KIF13B: variants seen among roughly 807,000 people sequenced by gnomAD.
The protein encoded by KIF13B is kinesin-like protein KIF13B.
Under a neutral mutation model 222.0 loss-of-function variants are expected in KIF13B, and 127 were observed. The observed-to-expected ratio is 0.57, with a 90% CI of 0.50 to 0.66. The LOEUF is 0.66. KIF13B is among the 30% of genes least tolerant of loss of function. The probability of loss-of-function intolerance (pLI) is 0.00; values close to 1 mark genes in which losing one functional copy is unlikely to be tolerated. For missense variants in KIF13B, 2,173 were observed against 2,379.0 expected (o/e 0.91, Z 1.80); for synonymous variants, 976 against 919.0 (o/e 1.06, Z -1.12).
Position 29,153,429 on chromosome 8 carries a change from T to C in KIF13B, c.1535+2297A>G, listed in dbSNP as rs550619954. On this transcript the variant is annotated intron_variant, in intron 14 of 39. Coordinates refer to ENST00000524189, the MANE Select transcript of KIF13B (RefSeq NM_015254.4). The stretch of plus-strand genomic sequence containing the variant: ...TAAGGAAAATTTACCAGTTCCACTG[T>C]GCTGCTTATCATGAAAATGGCATTC... Among the ~76,000 whole-genome samples the C allele has an allele frequency of 3.3e-5, 5 of 152,274 alleles. No individual in the cohort carries two copies. In the South Asian group the frequency reaches 1.0e-3, roughly 32 times the overall value.
intron 2 of KIF13B, among the ~76,000 whole-genome samples, chr8:29,213,842 T>G (rs932030179): frequency 4.0e-5 from 6 of 151,146 alleles, no homozygotes; most frequent in Non-Finnish European, 5.9e-5. Flanking sequence ...TAATCCCAGG[T>G]ACTCGGGAGA....
rs552092786 is a variant in KIF13B at position 29,145,196 on chromosome 8, G to A, written c.2187+1182C>T. On this transcript the variant is annotated intron_variant, in intron 18 of 39. Transcript: ENST00000524189. ...TAAAAATTTTCAAAATACACACAGA[G>A]TATACAAAAACAATGATCTGTAAAG... 2.0e-5 allele frequency among the ~76,000 whole-genome samples: 3 copies of A among 152,200 alleles called. No individual in the cohort carries two copies. The South Asian group carries it at 6.2e-4, about 32-fold the overall frequency.
intron 2 of KIF13B, among the ~76,000 whole-genome samples, chr8:29,242,300 T>A (rs1210447139): frequency 6.6e-6 from 1 of 152,128 alleles, no homozygotes; most frequent in Non-Finnish European, 1.5e-5. Context: ...AAGAAACTAC[T>A]TTGCCTACCA....
chr8:29,181,834 T>A, intron 7 of KIF13B, 85 bp downstream of exon 7: 1 of 898,030 alleles, frequency 1.1e-6, no homozygotes, highest in Middle Eastern at 2.2e-4. Flanking sequence ...ATGCAATTTT[T>A]AAAAATAACA....
intron 7 of KIF13B, among the ~76,000 whole-genome samples, chr8:29,180,555 CGTA>C (rs556112602): frequency 3.3e-5 from 5 of 152,066 alleles, no homozygotes; most frequent in Admixed American, 2.6e-4. Flanking sequence ...TTTGAAAAAA[CGTA>C]GTTTCTTTAA....
At position 29,067,473 on chromosome 8, in the gene KIF13B, G is replaced by C. The variant is rs1807049648; in HGVS notation, c.*3031C>G. 6.6e-6 allele frequency: 1 copy of C among 152,480 alleles called. No homozygotes were observed. The highest frequency in any genetic ancestry group is 1.5e-5 in the Non-Finnish European group (1 of 68,058). The allele number at this position is 152,480 out of a possible 1,614,324, so 9.4% of individuals were successfully genotyped here. On this transcript the variant is annotated 3_prime_UTR_variant, in exon 40 of 40. Coordinates refer to ENST00000524189, the MANE Select transcript of KIF13B (RefSeq NM_015254.4). ...AAATCAATATAATCACAGAATCAAA[G>C]TCACTTCTTTATATGTGAACTCTTC...
intron 2 of KIF13B, among the ~76,000 whole-genome samples, chr8:29,219,924 T>C (rs1038683247): frequency 6.6e-6 from 1 of 151,296 alleles, no homozygotes; most frequent in Non-Finnish European, 1.5e-5. Context: ...ATTAGCCGGG[T>C]GTGGTGGTGC....
intron 1 of KIF13B, 72 bp downstream of exon 1, chr8:29,262,908 G>T: frequency 8.2e-7 from 1 of 1,221,078 alleles, no homozygotes; most frequent in Non-Finnish European, 1.1e-6. Context: ...GACCCCCCAC[G>T]GCGGCCGAGG....
intron 2 of KIF13B, among the ~76,000 whole-genome samples, chr8:29,200,809 C>G (rs1386039119): frequency 6.6e-6 from 1 of 152,208 alleles, no homozygotes; most frequent in East Asian, 1.9e-4. Flanking sequence ...TAGAATGTCC[C>G]TCAATCTGGG....
chr8:29,076,659 G>A (rs1220223351), intron 37 of KIF13B, among the ~76,000 whole-genome samples: 1 of 152,208 alleles, frequency 6.6e-6, no homozygotes, highest in Non-Finnish European at 1.5e-5. Flanking sequence ...CTTCACCTGA[G>A]GGCACCACTA....
intron 2 of KIF13B, among the ~76,000 whole-genome samples, chr8:29,223,203 T>A (rs1047507342): frequency 3.4e-5 from 5 of 145,986 alleles, no homozygotes; most frequent in Non-Finnish European, 7.5e-5. Flanking sequence ...TAGCCAGGCA[T>A]GGTGGCGCTC....
At chr8:29,146,275 G>C in intron 18 of KIF13B, 103 bp downstream of exon 18, 1 of 1,159,986 alleles carries the variant, frequency 8.6e-7, no homozygotes, top group South Asian at 1.2e-5. Context: ...ATCTGGACTT[G>C]GGGCAGGCAC....
chr8:29,213,379 T>C (rs1367113110), intron 2 of KIF13B, among the ~76,000 whole-genome samples: 1 of 152,202 alleles, frequency 6.6e-6, no homozygotes, highest in Non-Finnish European at 1.5e-5. Flanking sequence ...TCATCCACAT[T>C]TTATAAATGA....
intron 2 of KIF13B, among the ~76,000 whole-genome samples, chr8:29,241,426 CAGGGACATCTATTTGGTTCTTAGA>C (rs1454716982): frequency 2.0e-5 from 3 of 152,110 alleles, no homozygotes; most frequent in Non-Finnish European, 2.9e-5. Context: ...AAAAATAAAC[CAGGGACATCTATTTGGTTCTTAGA>C]AGCTTATAAA....
intron 1 of KIF13B, among the ~76,000 whole-genome samples, chr8:29,262,258 T>C (rs1202371118): frequency 6.6e-6 from 1 of 152,212 alleles, no homozygotes; most frequent in Admixed American, 6.5e-5. Context: ...CTACACTCCC[T>C]GCAGAGTTAA....
intron 36 of KIF13B, among the ~76,000 whole-genome samples, chr8:29,094,671 C>G (rs1369028468): frequency 6.6e-6 from 1 of 152,110 alleles, no homozygotes; most frequent in African/African-American, 2.4e-5. Flanking sequence ...ATATGACCCA[C>G]GGTCAACAAA....
intron 1 of KIF13B, among the ~76,000 whole-genome samples, chr8:29,255,748 G>GA (rs1233814392): frequency 6.6e-6 from 1 of 152,084 alleles, no homozygotes; most frequent in African/African-American, 2.4e-5. Context: ...AAATTATCCT[G>GA]AAAATGAACA....
In KIF13B at chr8:29,069,161, C is replaced by A. The variant is rs1245098292; in HGVS notation, c.*1343G>T. The A allele has an allele frequency of 6.6e-6, 1 of 152,260 alleles. No individual in the cohort carries two copies. The highest frequency in any genetic ancestry group is 1.5e-5 in the Non-Finnish European group (1 of 68,066). The allele number at this position is 152,260 out of a possible 1,614,324, so 9.4% of individuals were successfully genotyped here. A position where few individuals can be genotyped will look rare whatever the true frequency, so the allele number is the denominator to read the frequency against. On this transcript the variant is annotated 3_prime_UTR_variant, in exon 40 of 40. Transcript: ENST00000524189. ...TGAATCTTGACCCAGGACTCCTGTC[C>A]CTAGATTGGTGGCCTTCCACACATA...
chr8:29,124,126 G>A lies in KIF13B; in HGVS notation c.3253-3C>T. ...CGAAGTCTCTCTAAATCTCGATCCT[G>A]GAAGCAAGCAAGGAAAATCATATTC... On this transcript the variant is annotated splice_region_variant and splice_polypyrimidine_tract_variant and intron_variant, in intron 26 of 39. Coordinates refer to ENST00000524189, the MANE Select transcript of KIF13B (RefSeq NM_015254.4). 10 of 1,571,352 alleles carry A rather than the reference G, an allele frequency of 6.4e-6. No homozygotes were observed. The highest frequency in any genetic ancestry group is 8.8e-6 in the Non-Finnish European group (10 of 1,142,370).
Sources: gnomAD v4.1 joint callset for allele counts (sites outside exome capture counted in the v4.1 genomes callset) on GRCh38, gnomAD v4.1.1 for gene constraint, MANE v1.5 for transcripts, NCBI Gene and HGNC (gene_info 2026-07-23, HGNC 2026-07-21) for gene names.